ICAM5: variants seen among roughly 807,000 people sequenced by gnomAD.
ICAM5 encodes the protein ICAM-5.
ICAM5 carries 38 observed loss-of-function variants against 78.8 expected under a neutral mutation model. The observed-to-expected ratio is 0.48, with a 90% CI of 0.37 to 0.63. The LOEUF (loss-of-function observed/expected upper bound fraction) is 0.63, where lower values mean the gene tolerates loss of function less well. ICAM5 is among the 30% of genes least tolerant of loss of function. ICAM5 has a pLI of 0.00. For synonymous variants in ICAM5, 544 were observed against 590.9 expected (o/e 0.92, Z 1.15); for missense variants, 1,059 against 1,303.0 (o/e 0.81, Z 2.88).
chr19:10,292,779 G>A lies in ICAM5; in HGVS notation c.1129G>A (p.Asp377Asn), dbSNP rs761806703. The change falls in exon 5 of 11, where the codon GAC (aspartate) becomes AAC (asparagine). Residue 377 changes from aspartate (D) to asparagine (N), a missense_variant. Coordinates refer to ENST00000221980, the MANE Select transcript of ICAM5 (RefSeq NM_003259.4). ...QLQLNATEND[D>N]RRSFFCDATL... ...TCAGCTAAATGCCACCGAGAACGACGACAGACGCAGCTTCTTCTGCGACGC... is the reference window on the plus strand; with the variant it reads ...TCAGCTAAATGCCACCGAGAACGACAACAGACGCAGCTTCTTCTGCGACGC... 3.7e-6 allele frequency: 6 copies of A among 1,613,464 alleles called. No homozygotes were observed. The highest frequency in any genetic ancestry group is 5.1e-6 in the Non-Finnish European group (6 of 1,179,980).
chr19:10,296,253 T>A, intron 10 of ICAM5, 86 bp from the exon 11 acceptor site: 2 of 1,194,234 alleles, frequency 1.7e-6, no homozygotes, highest in Non-Finnish European at 1.0e-6. Context: ...GCATGAGGAC[T>A]GACTTCGTGC....
At chr19:10,291,969 C>T in intron 3 of ICAM5, 66 bp from the exon 4 acceptor site, 1 of 1,529,412 alleles carries the variant, frequency 6.5e-7, no homozygotes, top group Non-Finnish European at 9.0e-7. Context: ...TAAGATAGTG[C>T]ATGTCAAGTG....
Position 10,292,018 on chromosome 19 carries a change from GGTTCTT to G in ICAM5, c.674-16_674-11del. ...GAGCGCTCGGAGTTAGTTCAAACTTGGTTCTTCGACCCCTAGCCCTGTCTCCGGATG... is the reference window on the plus strand; with the variant it reads ...GAGCGCTCGGAGTTAGTTCAAACTTGCGACCCCTAGCCCTGTCTCCGGATG... On this transcript the variant is annotated splice_polypyrimidine_tract_variant and intron_variant, in intron 3 of 10. Coordinates refer to ENST00000221980, the MANE Select transcript of ICAM5 (RefSeq NM_003259.4). 1.2e-6 allele frequency: 2 copies of G among 1,607,842 alleles called. No individual in the cohort carries two copies. The highest frequency in any genetic ancestry group is 1.7e-6 in the Non-Finnish European group (2 of 1,175,918).
chr19:10,294,736 C>A lies in ICAM5; in HGVS notation c.2230+96C>A. 1 of 1,554,928 alleles carries A rather than the reference C, an allele frequency of 6.4e-7. No homozygotes were observed. Among genetic ancestry groups the A allele is most frequent in the Non-Finnish European group, 8.7e-7 (1 of 1,148,524 alleles). On this transcript the variant is annotated intron_variant, in intron 9 of 10. Coordinates refer to ENST00000221980, the MANE Select transcript of ICAM5 (RefSeq NM_003259.4). The surrounding 1 kb of genome is among the most constrained non-coding windows in gnomAD (Gnocchi z 7.7). ...CAAGGGCACCTCTCCCAATCCCATT[C>A]TCGGGGACAGGGAATTCCAGCCTAA...
rs1599277309 is a variant in ICAM5, at chr19:10,290,289, A to C, written c.82+164A>C. On this transcript the variant is annotated intron_variant, in intron 1 of 10. Transcript: ENST00000221980. The surrounding 1 kb of genome is among the most constrained non-coding windows in gnomAD (Gnocchi z 5.7). ...CCCTTCCCCCTCCTCCCCAACACAC[A>C]CCCGAGCCCCAGCTTCCTGACTCCT... is the stretch of plus-strand genomic sequence containing the variant. 5 of 512,102 alleles carry C rather than the reference A, an allele frequency of 9.8e-6. No individual in the cohort carries two copies. The highest frequency in any genetic ancestry group is 5.0e-4 in the Middle Eastern group (1 of 1,998). 31.7% of individuals were successfully genotyped at this position (512,102 alleles called of 1,614,324 possible).
Position 10,294,339 on chromosome 19 carries a change from T to C in ICAM5, c.1990+21T>C, listed in dbSNP as rs746833456. The C allele has an allele frequency of 1.9e-6, 3 of 1,611,718 alleles. 1 individual carries two copies. The South Asian group carries it at 3.3e-5, about 18-fold the overall frequency. On this transcript the variant is annotated intron_variant, in intron 8 of 10. Coordinates refer to ENST00000221980, the MANE Select transcript of ICAM5 (RefSeq NM_003259.4). This position sits in a 1 kb window ranked among gnomAD's most constrained non-coding sequence, Gnocchi z 7.7. Reference sequence around the variant, plus strand: ...GGAGTGTGAGCGAGGCCCAGGCGGGTAGGGAGCAGGGGTGCCCCACGGTCC... The same window carrying C: ...GGAGTGTGAGCGAGGCCCAGGCGGGCAGGGAGCAGGGGTGCCCCACGGTCC...
chr19:10,295,427 CGGAGGCCT>C lies in ICAM5; in HGVS notation c.2315_2322del (p.Glu772AlafsTer200). The C allele has an allele frequency of 6.2e-7, 1 of 1,607,588 alleles. No individual in the cohort carries two copies. Among genetic ancestry groups the C allele is most frequent in the African/African-American group, 1.3e-5 (1 of 74,958 alleles). The stretch of plus-strand genomic sequence containing the variant: ...GGAAACTTCACGTTGACCTGCCGCG[CGGAGGCCT>C]GGCCTCCAGCCCAGATCAGCTGGCG... On this transcript the variant is annotated frameshift_variant, in exon 10 of 11. Transcript: ENST00000221980. LOFTEE classifies it high-confidence loss of function.
In ICAM5 at chr19:10,290,981, C is replaced by T; in HGVS notation, c.83-91C>T. 6.9e-7 allele frequency: 1 copy of T among 1,454,682 alleles called. No individual in the cohort carries two copies. The highest frequency in any genetic ancestry group is 9.2e-7 in the Non-Finnish European group (1 of 1,088,600). 90.1% of individuals were successfully genotyped at this position (1,454,682 alleles called of 1,614,324 possible). A position where few individuals can be genotyped will look rare whatever the true frequency, so the allele number is the denominator to read the frequency against. On this transcript the variant is annotated intron_variant, in intron 1 of 10. Transcript: ENST00000221980. This position sits in a 1 kb window ranked among gnomAD's most constrained non-coding sequence, Gnocchi z 5.7. ...CCTGGCTGCAGCCTCTCCTCCTCCT[C>T]CCCGCCCTCTGAGAACCCTTGACTC...
At position 10,290,365 on chromosome 19, in the gene ICAM5, C is replaced by G. The variant is rs2040161294; in HGVS notation, c.82+240C>G. On this transcript the variant is annotated intron_variant, in intron 1 of 10. Coordinates refer to ENST00000221980, the MANE Select transcript of ICAM5 (RefSeq NM_003259.4). This position sits in a 1 kb window ranked among gnomAD's most constrained non-coding sequence, Gnocchi z 5.7. ...CCTAGGTGTTCTTCCGCACCCAACC[C>G]TTCGCCCTGGAGACCCAGTGTCTCT... 1 of 469,886 alleles carries G rather than the reference C, an allele frequency of 2.1e-6. No individual in the cohort carries two copies. Among genetic ancestry groups the G allele is most frequent in the Non-Finnish European group, 3.8e-6 (1 of 265,178 alleles). The allele number at this position is 469,886 out of a possible 1,614,324, so 29.1% of individuals were successfully genotyped here. A position where few individuals can be genotyped will look rare whatever the true frequency, so the allele number is the denominator to read the frequency against.
intron 2 of ICAM5, 69 bp downstream of exon 2, chr19:10,291,410 C>T: frequency 6.2e-7 from 1 of 1,606,774 alleles, no homozygotes. Context: ...CCCCTGGGTC[C>T]CAGGGTCCTC....
rs749976445 is a variant in ICAM5 at position 10,295,335 on chromosome 19, G to A, written c.2231-11G>A. 1.0e-5 allele frequency: 16 copies of A among 1,527,248 alleles called. No homozygotes were observed. The highest frequency in any genetic ancestry group is 1.3e-5 in the Non-Finnish European group (15 of 1,142,906). 94.6% of individuals were successfully genotyped at this position (1,527,248 alleles called of 1,614,324 possible). ...GGCGCTAAGCCCCACTTCACCTTCT[G>A]TGCCCTTCAGACCGGCCAGTGGTGG... is the stretch of plus-strand genomic sequence containing the variant. On this transcript the variant is annotated splice_polypyrimidine_tract_variant and intron_variant, in intron 9 of 10. Coordinates refer to ENST00000221980, the MANE Select transcript of ICAM5 (RefSeq NM_003259.4).
chr19:10,291,251 G>A lies in ICAM5; in HGVS notation c.262G>A (p.Val88Met), dbSNP rs2040169292. 1.2e-6 allele frequency: 2 copies of A among 1,612,328 alleles called. No individual in the cohort carries two copies. The highest frequency in any genetic ancestry group is 4.5e-5 in the East Asian group (2 of 44,886). ...TTTGCGTTGGTTGGCGCGGCAGCTG[G>A]TGGACATTCGCGAGCCGGAGACTCA... is the stretch of plus-strand genomic sequence containing the variant. Reference protein sequence around the residue: ...RGLRWLARQLVDIREPETQPV... With the variant: ...RGLRWLARQLMDIREPETQPV... Residue 88 changes from valine (V) to methionine (M), a missense_variant, in exon 2 of 11, where the codon GTG (valine) becomes ATG (methionine). Val to Met is a conservative substitution (Grantham distance 21, BLOSUM62 1). This residue lies in a region of ICAM5 where 815 missense variants were observed against 952.8 expected (regional missense o/e 0.86). Transcript: ENST00000221980.
At chr19:10,291,437 T>C in intron 2 of ICAM5, 52 bp from the exon 3 acceptor site, 1 of 1,608,720 alleles carries the variant, frequency 6.2e-7, no homozygotes, top group Non-Finnish European at 8.5e-7. Context: ...AGGCCCCACC[T>C]TCTGTTCCAA....
In ICAM5 at chr19:10,294,782, C is replaced by T. The variant is rs1299759416; in HGVS notation, c.2230+142C>T. On this transcript the variant is annotated intron_variant, in intron 9 of 10. Coordinates refer to ENST00000221980, the MANE Select transcript of ICAM5 (RefSeq NM_003259.4). This position sits in a 1 kb window ranked among gnomAD's most constrained non-coding sequence, Gnocchi z 7.7. ...CCTAAACCAGGGGGTAATGAAAATT[C>T]TAGCCAGGCGCAGTGGCTCAGGTCT... The T allele has an allele frequency of 2.3e-6, 3 of 1,328,802 alleles. No individual in the cohort carries two copies. Among genetic ancestry groups the T allele is most frequent in the Middle Eastern group, 2.3e-4 (1 of 4,340 alleles). The allele number at this position is 1,328,802 out of a possible 1,614,324, so 82.3% of individuals were successfully genotyped here. A position where few individuals can be genotyped will look rare whatever the true frequency, so the allele number is the denominator to read the frequency against.
At position 10,294,645 on chromosome 19, in the gene ICAM5, G is replaced by A. The variant is rs745448446; in HGVS notation, c.2230+5G>A. 6 of 1,612,744 alleles carry A rather than the reference G, an allele frequency of 3.7e-6. No individual in the cohort carries two copies. Among genetic ancestry groups the A allele is most frequent in the East Asian group, 2.2e-5 (1 of 44,876 alleles). ...CCGTCACTGTGGGCGTGGAATGTGA[G>A]TGGGGGCAGCACCGGATGGAGGGGA... On this transcript the variant is annotated splice_donor_5th_base_variant and intron_variant, in intron 9 of 10. Coordinates refer to ENST00000221980, the MANE Select transcript of ICAM5 (RefSeq NM_003259.4). This position sits in a 1 kb window ranked among gnomAD's most constrained non-coding sequence, Gnocchi z 7.7.
rs968564654 is a variant in ICAM5, at chr19:10,296,641, C to T, written c.*25C>T. ...AGCCCGCTCCCCTCTCCCCGCGGGCCGGGGGACGCCCCCCAGACTCACACG... is the reference window on the plus strand; with the variant it reads ...AGCCCGCTCCCCTCTCCCCGCGGGCTGGGGGACGCCCCCCAGACTCACACG... On this transcript the variant is annotated 3_prime_UTR_variant, in exon 11 of 11. Transcript: ENST00000221980. 4.1e-6 allele frequency: 5 copies of T among 1,208,650 alleles called. No homozygotes were observed. In the African/African-American group the frequency reaches 7.9e-5, roughly 19 times the overall value. The allele number at this position is 1,208,650 out of a possible 1,614,324, so 74.9% of individuals were successfully genotyped here.
rs567067103 is a variant in ICAM5, at chr19:10,290,526, C to A, written c.82+401C>A. Reference sequence around the variant, plus strand: ...CTCAGAGGCGCTGTTCCCGCTCCACCCAGAGCCCTGGCAACCGGGTCCCTC... The same window carrying A: ...CTCAGAGGCGCTGTTCCCGCTCCACACAGAGCCCTGGCAACCGGGTCCCTC... On this transcript the variant is annotated intron_variant, in intron 1 of 10. Transcript: ENST00000221980. The surrounding 1 kb of genome is among the most constrained non-coding windows in gnomAD (Gnocchi z 5.7). 27 of 220,512 alleles carry A rather than the reference C, an allele frequency of 1.2e-4. No individual in the cohort carries two copies. The highest frequency in any genetic ancestry group is 8.4e-4 in the Admixed American group (16 of 18,998). 13.7% of individuals were successfully genotyped at this position (220,512 alleles called of 1,614,324 possible).
chr19:10,294,594 C>G lies in ICAM5; in HGVS notation c.2184C>G (p.Thr728=), dbSNP rs1353389719. Residue 728 remains threonine, a synonymous_variant, in exon 9 of 11, where the codon ACC becomes ACG. Transcript: ENST00000221980. This position sits in a 1 kb window ranked among gnomAD's most constrained non-coding sequence, Gnocchi z 7.7. ...EDAGTYHCVA[T]NAHGTDSRTV... Reference sequence around the variant, plus strand: ...CGGGCACTTACCACTGTGTGGCCACCAATGCGCATGGCACGGACTCCCGGA... The same window carrying G: ...CGGGCACTTACCACTGTGTGGCCACGAATGCGCATGGCACGGACTCCCGGA... 1 of 1,613,018 alleles carries G rather than the reference C, an allele frequency of 6.2e-7. No individual in the cohort carries two copies. The highest frequency in any genetic ancestry group is 8.5e-7 in the Non-Finnish European group (1 of 1,179,906).
Position 10,296,683 on chromosome 19 carries a change from T to C in ICAM5, c.*67T>C. 8.6e-7 allele frequency: 1 copy of C among 1,158,684 alleles called. No homozygotes were observed. The highest frequency in any genetic ancestry group is 1.1e-6 in the Non-Finnish European group (1 of 934,856). 71.8% of individuals were successfully genotyped at this position (1,158,684 alleles called of 1,614,324 possible). On this transcript the variant is annotated 3_prime_UTR_variant, in exon 11 of 11. Coordinates refer to ENST00000221980, the MANE Select transcript of ICAM5 (RefSeq NM_003259.4). ...ACTCACACGGGGGCTTATTTATTGC[T>C]TTATTTATTTACTTATTCATTTATT...
Sources: gnomAD v4.1 joint callset for allele counts on GRCh38, gnomAD v4.1.1 for gene constraint, gnomAD v4.1.1 regional missense constraint, Gnocchi (gnomAD v3.1) non-coding constraint, MANE v1.5 for transcripts, NCBI Gene and HGNC (gene_info 2026-07-23, HGNC 2026-07-21) for gene names.